Variants in AAMDC observed in about 807,000 individuals in gnomAD.
AAMDC encodes the protein mth938 domain-containing protein.
Under a neutral mutation model 15.5 loss-of-function variants are expected in AAMDC, and 16 were observed. That is an observed-to-expected ratio of 1.03 (90% CI 0.70 to 1.57). The LOEUF is 1.57. Among genes scored for constraint, AAMDC ranks in the 40% most tolerant of loss-of-function variants. AAMDC has a pLI of 0.00. For missense variants in AAMDC, 141 were observed against 144.9 expected, an observed-to-expected ratio of 0.97 and a Z score of 0.14; for synonymous variants, 51 against 51.6, an observed-to-expected ratio of 0.99 and a Z score of 0.05.
intron 5 of AAMDC, chr11:77,894,478 G>A (rs1952425872): frequency 1.8e-6 from 1 of 542,862 alleles, no homozygotes. Context: ...ATCTCTAAAA[G>A]TAACAGAAGA....
At chr11:77,858,327 T>TG in intron 2 of AAMDC, among the ~76,000 whole-genome samples, 1 of 143,006 alleles carries the variant, frequency 7.0e-6, no homozygotes, top group Non-Finnish European at 1.5e-5. Context: ...TTTTTTTTTT[T>TG]GTAGTTGCAA....
chr11:77,900,240 C>T (rs773489174), intron 5 of AAMDC, among the ~76,000 whole-genome samples: 1 of 152,052 alleles, frequency 6.6e-6, no homozygotes, highest in East Asian at 1.9e-4. Context: ...GCTGGGACTA[C>T]TGGTGCATGC....
At chr11:77,886,162 C>A (rs1016611131) in intron 5 of AAMDC, among the ~76,000 whole-genome samples, 9 of 152,064 alleles carry the variant, frequency 5.9e-5, no homozygotes, top group Non-Finnish European at 1.2e-4. Flanking sequence ...GCTGACCATG[C>A]CACTGCACTC....
intron 5 of AAMDC, chr11:77,891,293 T>A: frequency 6.2e-7 from 1 of 1,605,848 alleles, no homozygotes. Flanking sequence ...GTCTAGAAGC[T>A]CCATGAGGAC....
At chr11:77,843,246 G>A (rs1008822658) in intron 2 of AAMDC, among the ~76,000 whole-genome samples, 6 of 152,148 alleles carry the variant, frequency 3.9e-5, no homozygotes, top group East Asian at 1.9e-4. Context: ...TTCTCATTGC[G>A]GTTTTTATTT....
At chr11:77,871,988 C>T (rs1319028105) in intron 3 of AAMDC, among the ~76,000 whole-genome samples, 187 bp from the exon 4 acceptor site, 1 of 152,106 alleles carries the variant, frequency 6.6e-6, no homozygotes, top group Non-Finnish European at 1.5e-5. Flanking sequence ...ATTATGATAC[C>T]TCTGACAAAG....
At chr11:77,863,301 C>T (rs1243562977) in intron 2 of AAMDC, among the ~76,000 whole-genome samples, 1 of 152,116 alleles carries the variant, frequency 6.6e-6, no homozygotes, top group Non-Finnish European at 1.5e-5. Context: ...GACACCCTGC[C>T]GGATCCGGAG....
intron 3 of AAMDC, 127 bp downstream of exon 3, chr11:77,869,944 T>G: frequency 1.2e-6 from 1 of 818,066 alleles, no homozygotes; most frequent in Admixed American, 2.1e-5. Flanking sequence ...TGACCCAGGA[T>G]AGCAGTGGCT....
At chr11:77,839,938 G>A (rs1289304296) in intron 1 of AAMDC, among the ~76,000 whole-genome samples, 1 of 152,112 alleles carries the variant, frequency 6.6e-6, no homozygotes, top group Non-Finnish European at 1.5e-5. Context: ...CCTATGTAAT[G>A]AACGTGCATG....
At chr11:77,853,935 C>T (rs766392766) in intron 2 of AAMDC, among the ~76,000 whole-genome samples, 4 of 151,458 alleles carry the variant, frequency 2.6e-5, no homozygotes, top group South Asian at 2.1e-4. Context: ...AGTGAGACTC[C>T]GTCTCAAAAA....
At position 77,841,511 on chromosome 11, in the gene AAMDC, CA is replaced by C. The variant is rs372231868; in HGVS notation, c.-18-967del. On this transcript the variant is annotated intron_variant, in intron 1 of 3. Transcript: ENST00000393427. ...AGACTTTCTCTCTCTACTGATGGAA[CA>C]CTGTGTGTACAGGGGAGTGCGTTCA... Among the ~76,000 whole-genome samples the C allele has an allele frequency of 4.9e-3, 754 of 152,330 alleles. 9 individuals are homozygous for C. The highest frequency in any genetic ancestry group is 0.017 in the African/African-American group (709 of 41,564).
At chr11:77,848,647 A>C (rs1950244036) in intron 2 of AAMDC, among the ~76,000 whole-genome samples, 1 of 152,210 alleles carries the variant, frequency 6.6e-6, no homozygotes, top group African/African-American at 2.4e-5. Flanking sequence ...AGTGTGAGCC[A>C]CCGTGCCTGG....
intron 5 of AAMDC, among the ~76,000 whole-genome samples, chr11:77,899,263 T>C (rs1356557451): frequency 7.0e-6 from 1 of 143,868 alleles, no homozygotes; most frequent in African/African-American, 2.6e-5. Context: ...CTACTGCCTC[T>C]CACTTGAAGA....
intron 2 of AAMDC, among the ~76,000 whole-genome samples, chr11:77,849,653 T>C (rs917517982): frequency 6.6e-6 from 1 of 152,202 alleles, no homozygotes; most frequent in Non-Finnish European, 1.5e-5. Context: ...GTGTTTTTTT[T>C]TAATTATGCA....
At chr11:77,857,365 C>G (rs1218606562) in intron 2 of AAMDC, among the ~76,000 whole-genome samples, 1 of 152,110 alleles carries the variant, frequency 6.6e-6, no homozygotes, top group African/African-American at 2.4e-5. Context: ...AAACATATGT[C>G]TAGATGTAGA....
chr11:77,874,372 C>CT (rs560821678), downstream of AAMDC, among the ~76,000 whole-genome samples: 5,673 of 134,512 alleles, frequency 0.042, 302 homozygotes, highest in African/African-American at 0.13. Context: ...GTGATGCAGT[C>CT]TTTTTTTTTT....
intron 1 of AAMDC, among the ~76,000 whole-genome samples, chr11:77,840,548 A>C (rs1464762099): frequency 6.6e-6 from 1 of 152,218 alleles, no homozygotes; most frequent in African/African-American, 2.4e-5. Context: ...AAAAGTGTTT[A>C]ATGTATTTCT....
intron 2 of AAMDC, among the ~76,000 whole-genome samples, chr11:77,860,894 G>C (rs2136246736): frequency 6.6e-6 from 1 of 152,244 alleles, no homozygotes; most frequent in African/African-American, 2.4e-5. Context: ...ATAATCCTGA[G>C]ATCTTGCACT....
At chr11:77,889,137 G>T (rs1464481224) in intron 5 of AAMDC, among the ~76,000 whole-genome samples, 1 of 152,134 alleles carries the variant, frequency 6.6e-6, no homozygotes, top group African/African-American at 2.4e-5. Flanking sequence ...TATGTTTATT[G>T]CGGCACCACT....
Sources: gnomAD v4.1 joint callset for allele counts (sites outside exome capture counted in the v4.1 genomes callset) on GRCh38, gnomAD v4.1.1 for gene constraint, MANE v1.5 for transcripts, NCBI Gene and HGNC (gene_info 2026-07-23, HGNC 2026-07-21) for gene names.